The following SYT14 variants were observed in gnomAD, a reference collection of about 807,000 sequenced individuals.
SYT14 encodes the protein synaptotagmin 14, also known as synaptotagmin-14.
In SYT14, 32 loss-of-function variants were observed where a neutral mutation model predicts 74.2. The observed-to-expected ratio is 0.43, with a 90% confidence interval of 0.33 to 0.58. SYT14 has a LOEUF of 0.58. SYT14 is among the 20% of genes least tolerant of loss of function. The pLI, the probability that SYT14 is intolerant of heterozygous loss-of-function variation, is 0.05. For synonymous variants in SYT14, 298 were observed against 337.7 expected (o/e 0.88, Z 1.29); for missense variants, 791 against 981.8 (o/e 0.81, Z 2.60).
chr1:210,095,510 T>G (rs1048304092), intron 6 of SYT14, among the ~76,000 whole-genome samples: 2 of 152,196 alleles, frequency 1.3e-5, no homozygotes, highest in African/African-American at 4.8e-5. Context: ...TGCTTCAGCC[T>G]CCCAAAGTGC....
intron 5 of SYT14, among the ~76,000 whole-genome samples, chr1:210,059,449 TATAGAGAGAGAGAG>T (rs1232730769): frequency 8.9e-5 from 8 of 89,716 alleles, no homozygotes; most frequent in South Asian, 7.9e-4. Context: ...TATATATATA[TATAGAGAGAGAGAG>T]AGAGAGAGAG....
exon 10 of SYT14, chr1:210,162,762 TGTATTTTTTTAGTTTA>T (rs1244992193): frequency 2.7e-5 from 12 of 445,566 alleles, no homozygotes; most frequent in Non-Finnish European, 5.3e-5. Flanking sequence ...CGTGAACTTC[TGTATTTTTTTAGTTTA>T]AAAAATGGCA....
At chr1:209,986,142 G>T (rs565909932) in intron 2 of SYT14, among the ~76,000 whole-genome samples, 1 of 152,248 alleles carries the variant, frequency 6.6e-6, no homozygotes, top group East Asian at 1.9e-4. Flanking sequence ...CCTTGAAATT[G>T]GGCCTTTCTT....
At position 210,077,184 on chromosome 1, in the gene SYT14, G is replaced by T. The variant is rs559016821; in HGVS notation, c.1313-17138G>T. Among the ~76,000 whole-genome samples, 4 of 152,284 alleles carry T rather than the reference G, an allele frequency of 2.6e-5. No individual in the cohort carries two copies. The South Asian group carries it at 8.3e-4, about 32-fold the overall frequency. Reference sequence around the variant, plus strand: ...AGGCTTCAGGGAGCTTTTACCCATGGTGGAAGGCAAAGTGGGAACCAGCAC... The same window carrying T: ...AGGCTTCAGGGAGCTTTTACCCATGTTGGAAGGCAAAGTGGGAACCAGCAC... On this transcript the variant is annotated intron_variant, in intron 5 of 9. Transcript: ENST00000637265.
At chr1:209,961,507 CATTAA>C (rs2079075010) in intron 2 of SYT14, among the ~76,000 whole-genome samples, 1 of 152,174 alleles carries the variant, frequency 6.6e-6, no homozygotes, top group Admixed American at 6.5e-5. Flanking sequence ...TAACTAAAGT[CATTAA>C]ATTCTTTGAG....
At chr1:210,101,841 A>AAGAC (rs1255671256) in intron 7 of SYT14, among the ~76,000 whole-genome samples, 1 of 152,182 alleles carries the variant, frequency 6.6e-6, no homozygotes, top group Admixed American at 6.5e-5. Context: ...TTAGAAGAGA[A>AAGAC]AGACTCTGTC....
At chr1:210,005,346 A>C (rs1179725019) in intron 2 of SYT14, among the ~76,000 whole-genome samples, 1 of 151,968 alleles carries the variant, frequency 6.6e-6, no homozygotes, top group East Asian at 1.9e-4. Context: ...GTTTGAACTA[A>C]ATCTTGAAAT....
chr1:210,134,187 C>G lies in SYT14; in HGVS notation c.2035-21534C>G, dbSNP rs144316242. ...GTGCAATCGTGGCTCACTGCAGCCT[C>G]AACCTCCCAGGCTCAAGCGATCCTC... On this transcript the variant is annotated intron_variant, in intron 7 of 9. Coordinates refer to ENST00000637265, the Ensembl canonical transcript of SYT14. Among the ~76,000 whole-genome samples, 206 of 152,208 alleles carry G rather than the reference C, an allele frequency of 1.4e-3. No individual in the cohort carries two copies. The East Asian group carries it at 0.032, about 24-fold the overall frequency.
chr1:210,121,161 T>A (rs2082453780), intron 7 of SYT14, among the ~76,000 whole-genome samples: 4 of 152,166 alleles, frequency 2.6e-5, no homozygotes, highest in Admixed American at 2.6e-4. Context: ...CCTTATAGAT[T>A]TTTTGTGAGG....
intron 5 of SYT14, among the ~76,000 whole-genome samples, chr1:210,051,597 G>T (rs2080997754): frequency 6.6e-6 from 1 of 151,870 alleles, no homozygotes; most frequent in South Asian, 2.1e-4. Context: ...AAATAATTAT[G>T]TGTGTCTTGT....
intron 2 of SYT14, among the ~76,000 whole-genome samples, chr1:210,010,638 T>G (rs2080069939): frequency 6.6e-6 from 1 of 152,286 alleles, no homozygotes; most frequent in South Asian, 2.1e-4. Context: ...TATGTTATAC[T>G]TACTTGCTTA....
chr1:210,164,092 A>C, exon 10 of SYT14: 1 of 452,074 alleles, frequency 2.2e-6, no homozygotes, highest in South Asian at 1.6e-5. Context: ...CAGTAAACAA[A>C]ATGTATGTCA....
At chr1:210,136,928 G>T (rs2082798565) in intron 7 of SYT14, among the ~76,000 whole-genome samples, 1 of 152,128 alleles carries the variant, frequency 6.6e-6, no homozygotes, top group African/African-American at 2.4e-5. Context: ...GAATCTGTGA[G>T]CCAGGTGGAA....
chr1:210,139,228 A>G (rs934959458), intron 7 of SYT14, among the ~76,000 whole-genome samples: 1 of 144,870 alleles, frequency 6.9e-6, no homozygotes, highest in Admixed American at 7.0e-5. Flanking sequence ...CTGGGACTAC[A>G]TGCGTGTACC....
chr1:210,037,143 C>G (rs1028413277), intron 5 of SYT14, among the ~76,000 whole-genome samples: 1 of 151,986 alleles, frequency 6.6e-6, no homozygotes, highest in African/African-American at 2.4e-5. Context: ...TCTGTTTCTT[C>G]CTGGTTCAAT....
At chr1:209,994,021 T>C (rs2079741897) in intron 2 of SYT14, among the ~76,000 whole-genome samples, 1 of 152,144 alleles carries the variant, frequency 6.6e-6, no homozygotes, top group Admixed American at 6.5e-5. Context: ...CTATATACAG[T>C]TAACACTGCA....
chr1:210,060,932 T>G (rs2081197151), intron 5 of SYT14, among the ~76,000 whole-genome samples: 3 of 152,082 alleles, frequency 2.0e-5, no homozygotes. Flanking sequence ...GCTTAATCAA[T>G]TAAGACATCT....
chr1:209,947,143 A>T (rs1009213994), intron 1 of SYT14, among the ~76,000 whole-genome samples: 1 of 152,308 alleles, frequency 6.6e-6, no homozygotes, highest in African/African-American at 2.4e-5. Flanking sequence ...TCTGATGGAG[A>T]CGTACAAGGA....
chr1:210,033,543 A>G (rs989400049), intron 5 of SYT14, among the ~76,000 whole-genome samples: 1 of 151,766 alleles, frequency 6.6e-6, no homozygotes, highest in Non-Finnish European at 1.5e-5. Context: ...GCCTTAGAAT[A>G]TCTCTTTCAT....
Sources: gnomAD v4.1 joint callset for allele counts (sites outside exome capture counted in the v4.1 genomes callset) on GRCh38, gnomAD v4.1.1 for gene constraint, MANE v1.5 for transcripts, NCBI Gene and HGNC (gene_info 2026-07-23, HGNC 2026-07-21) for gene names.